The following AP1S3 variants were observed in gnomAD, a reference collection of about 807,000 sequenced individuals.
The protein encoded by AP1S3 is adaptor related protein complex 1 subunit sigma 3.
AP1S3 carries 10 observed loss-of-function variants against 20.9 expected under a neutral mutation model. The ratio of observed to expected loss-of-function variants is 0.48; its 90% CI spans 0.29 to 0.81. The LOEUF is 0.81. AP1S3 is among the 30% of genes least tolerant of loss of function. The pLI is 0.08. For missense variants in AP1S3, 154 were observed against 183.8 expected (o/e 0.84, Z 0.94); for synonymous variants, 41 against 61.5 (o/e 0.67, Z 1.56).
chr2:223,837,436 C>A lies in AP1S3; in HGVS notation c.3+12G>T. On this transcript the variant is annotated intron_variant, in intron 1 of 4. Transcript: ENST00000396654. ...CACCGCCTACCCGGGCCGGCGGTTC[C>A]CCCGCACTCACCATCGTGGCTGGGC... is the stretch of plus-strand genomic sequence containing the variant. 1 of 1,263,640 alleles carries A rather than the reference C, an allele frequency of 7.9e-7. No homozygotes were observed. Among genetic ancestry groups the A allele is most frequent in the Non-Finnish European group, 1.0e-6 (1 of 1,000,434 alleles). 78.3% of individuals were successfully genotyped at this position (1,263,640 alleles called of 1,614,324 possible).
rs1347365267 is a variant in AP1S3 at position 223,780,347 on chromosome 2, A to AGT, written c.4-2479_4-2478insAC. 7.4e-3 allele frequency among the ~76,000 whole-genome samples: 664 copies of AGT among 89,204 alleles called. 7 individuals are homozygous for AGT. Among genetic ancestry groups the AGT allele is most frequent in the Non-Finnish European group, 0.01 (474 of 46,954 alleles). The allele number at this position is 89,204 out of a possible 152,430, so 58.5% of individuals were successfully genotyped here. On this transcript the variant is annotated intron_variant, in intron 1 of 4. Coordinates refer to ENST00000396654, the MANE Select transcript of AP1S3 (RefSeq NM_001039569.2). ...GAGAGAGAGAGAGAGAGAGAGAGAG[A>AGT]GAGAGAGAGAGTGTGTGTGTGTGTG...
intron 1 of AP1S3, among the ~76,000 whole-genome samples, chr2:223,796,739 C>G (rs561062205): frequency 6.6e-6 from 1 of 152,300 alleles, no homozygotes; most frequent in Admixed American, 6.5e-5. Flanking sequence ...TCTCAGCTCA[C>G]TGCATCCTCC....
At chr2:223,768,885 G>T (rs1481688258) in intron 3 of AP1S3, among the ~76,000 whole-genome samples, 3 of 152,062 alleles carry the variant, frequency 2.0e-5, no homozygotes, top group Admixed American at 6.6e-5. Flanking sequence ...TATAGGCCTT[G>T]TTTCTAATAT....
chr2:223,776,221 C>T (rs1690781533), intron 2 of AP1S3: 1 of 652,712 alleles, frequency 1.5e-6, no homozygotes, highest in Admixed American at 2.1e-5. Context: ...ATTAATTACG[C>T]ATGAAAGACT....
At chr2:223,825,386 T>C (rs776363375) in intron 1 of AP1S3, among the ~76,000 whole-genome samples, 3 of 151,986 alleles carry the variant, frequency 2.0e-5, no homozygotes, top group Admixed American at 6.6e-5. Flanking sequence ...TCTATTTCCT[T>C]AATAATTATT....
intron 3 of AP1S3, chr2:223,770,106 G>A: frequency 1.4e-6 from 2 of 1,481,378 alleles, no homozygotes; most frequent in Non-Finnish European, 1.8e-6. Context: ...CATCATTTTT[G>A]CAGTTTTAAA....
chr2:223,799,891 G>A (rs1691425924), intron 1 of AP1S3, among the ~76,000 whole-genome samples: 1 of 148,470 alleles, frequency 6.7e-6, no homozygotes, highest in Admixed American at 6.8e-5. Context: ...ATCCCAGAAT[G>A]CAAAGCCAGA....
intron 3 of AP1S3, among the ~76,000 whole-genome samples, chr2:223,765,609 A>G (rs935177119): frequency 2.3e-4 from 35 of 152,312 alleles, no homozygotes; most frequent in African/African-American, 8.2e-4. Flanking sequence ...TCAGTAAGGG[A>G]ATGAGGCCAC....
chr2:223,795,030 A>G (rs1385238643), intron 1 of AP1S3, among the ~76,000 whole-genome samples: 1 of 152,150 alleles, frequency 6.6e-6, no homozygotes, highest in East Asian at 1.9e-4. Context: ...TGGGCGGATA[A>G]CCTGAGGTCA....
rs887016566 is a variant in AP1S3, at chr2:223,837,474, C to G, written c.-24G>C. 3.9e-6 allele frequency: 5 copies of G among 1,286,214 alleles called. No homozygotes were observed. The highest frequency in any genetic ancestry group is 4.9e-6 in the Non-Finnish European group (5 of 1,014,946). The allele number at this position is 1,286,214 out of a possible 1,614,324, so 79.7% of individuals were successfully genotyped here. A position where few individuals can be genotyped will look rare whatever the true frequency, so the allele number is the denominator to read the frequency against. On this transcript the variant is annotated 5_prime_UTR_variant, in exon 1 of 5. Transcript: ENST00000396654. ...ATCGTGGCTGGGCCGCCGCCTCCCCCGCCTTGCGAGCAAGGAGCGCTGGAG... is the reference window on the plus strand; with the variant it reads ...ATCGTGGCTGGGCCGCCGCCTCCCCGGCCTTGCGAGCAAGGAGCGCTGGAG...
chr2:223,822,171 C>A (rs1016145845), intron 1 of AP1S3, among the ~76,000 whole-genome samples: 1 of 151,986 alleles, frequency 6.6e-6, no homozygotes, highest in East Asian at 1.9e-4. Context: ...TGGAGGACTG[C>A]TTGAGCCTAG....
At chr2:223,826,720 C>T (rs1216053699) in intron 1 of AP1S3, among the ~76,000 whole-genome samples, 2 of 152,114 alleles carry the variant, frequency 1.3e-5, no homozygotes, top group East Asian at 3.9e-4. Context: ...GGGGCACAAT[C>T]TCGGCTCACT....
At chr2:223,783,498 T>G (rs1691001896) in intron 1 of AP1S3, among the ~76,000 whole-genome samples, 1 of 152,214 alleles carries the variant, frequency 6.6e-6, no homozygotes, top group Admixed American at 6.5e-5. Context: ...AACGCAAACT[T>G]CTATGGGCGT....
At chr2:223,827,762 C>T (rs1424848378) in intron 1 of AP1S3, among the ~76,000 whole-genome samples, 1 of 118,426 alleles carries the variant, frequency 8.4e-6, no homozygotes, top group East Asian at 2.4e-4. Context: ...ATTAGCTTTT[C>T]CCATTTCTCT....
intron 1 of AP1S3, among the ~76,000 whole-genome samples, chr2:223,794,131 A>G (rs918640914): frequency 6.6e-6 from 1 of 151,978 alleles, no homozygotes; most frequent in African/African-American, 2.4e-5. Context: ...TTCCTGAATC[A>G]TGTCTAACTC....
intron 1 of AP1S3, among the ~76,000 whole-genome samples, chr2:223,821,391 A>G (rs529269752): frequency 6.6e-6 from 1 of 152,072 alleles, no homozygotes; most frequent in East Asian, 1.9e-4. Flanking sequence ...TCCTGACCTC[A>G]TGATCCACCT....
chr2:223,827,550 A>G (rs1295937297), intron 1 of AP1S3, among the ~76,000 whole-genome samples: 2 of 150,586 alleles, frequency 1.3e-5, no homozygotes, highest in African/African-American at 2.4e-5. Context: ...ACCCAGCTAC[A>G]TTTTTTTTTA....
intron 3 of AP1S3, 72 bp downstream of exon 3, chr2:223,775,829 C>G: frequency 8.8e-7 from 1 of 1,137,074 alleles, no homozygotes; most frequent in Non-Finnish European, 1.3e-6. Flanking sequence ...AGGGATGTGA[C>G]CAGAGACAGA....
At chr2:223,793,635 G>T (rs897187375) in intron 1 of AP1S3, among the ~76,000 whole-genome samples, 12 of 152,056 alleles carry the variant, frequency 7.9e-5, no homozygotes, top group Non-Finnish European at 1.6e-4. Flanking sequence ...GCTAAGGGAT[G>T]CTGGGCTTAA....
Sources: allele counts gnomAD v4.1 joint callset (sites outside exome capture counted in the v4.1 genomes callset), GRCh38; gene constraint gnomAD v4.1.1; transcripts MANE v1.5; gene names NCBI Gene and HGNC (gene_info 2026-07-23, HGNC 2026-07-21).